CHRM2: variants seen among roughly 807,000 people sequenced by gnomAD.
CHRM2 encodes the protein muscarinic acetylcholine receptor M2.
In CHRM2, 8 loss-of-function variants were observed where a neutral mutation model predicts 25.0. That is an observed-to-expected ratio of 0.32 (90% confidence interval 0.19 to 0.58). The LOEUF is 0.58. Among genes scored for constraint, CHRM2 ranks in the 20% least tolerant of loss-of-function variants. CHRM2 has a pLI of 0.88. For missense variants in CHRM2, 440 were observed against 567.1 expected, an observed-to-expected ratio of 0.78 and a Z score of 2.28; for synonymous variants, 202 against 205.7, an observed-to-expected ratio of 0.98 and a Z score of 0.15.
At chr7:136,898,131 G>T (rs1221096536) in intron 2 of CHRM2, among the ~76,000 whole-genome samples, 1 of 152,054 alleles carries the variant, frequency 6.6e-6, no homozygotes, top group Non-Finnish European at 1.5e-5. Context: ...GAAAAACAGA[G>T]GGTTCGTTTA....
At chr7:136,923,634 A>G (rs1798577700) in intron 2 of CHRM2, among the ~76,000 whole-genome samples, 1 of 152,230 alleles carries the variant, frequency 6.6e-6, no homozygotes, top group African/African-American at 2.4e-5. Flanking sequence ...CTCAACTTGC[A>G]TGTGCATATA....
At chr7:136,974,812 G>A (rs565881184) in intron 2 of CHRM2, among the ~76,000 whole-genome samples, 6 of 152,202 alleles carry the variant, frequency 3.9e-5, no homozygotes, top group South Asian at 2.1e-4. Context: ...ATCACTGAGA[G>A]GTCAGAGTAC....
chr7:137,015,052 T>C lies in CHRM2; in HGVS notation c.187T>C (p.Phe63Leu). 1 of 1,613,474 alleles carries C rather than the reference T, an allele frequency of 6.2e-7. No homozygotes were observed. Among genetic ancestry groups the C allele is most frequent in the Non-Finnish European group, 8.5e-7 (1 of 1,179,610 alleles). Reference protein sequence around the residue: ...HLQTVNNYFLFSLACADLIIG... With the variant: ...HLQTVNNYFLLSLACADLIIG... ...CCAGACCGTCAACAATTACTTTTTA[T>C]TCAGCTTGGCCTGTGCTGACCTTAT... is the stretch of plus-strand genomic sequence containing the variant. The change falls in exon 4 of 4, where the codon TTC (phenylalanine) becomes CTC (leucine). Residue 63 changes from phenylalanine to leucine, a missense_variant. Transcript: ENST00000680005. This position sits in a 1 kb window ranked among gnomAD's most constrained non-coding sequence, Gnocchi z 5.1.
chr7:136,922,821 T>G (rs1204690848), intron 2 of CHRM2, among the ~76,000 whole-genome samples: 2 of 152,214 alleles, frequency 1.3e-5, no homozygotes, highest in Admixed American at 1.3e-4. Context: ...TTTTCTTCTT[T>G]CTTTGCATTT....
intron 2 of CHRM2, among the ~76,000 whole-genome samples, chr7:136,906,538 T>C (rs1478913040): frequency 6.6e-6 from 1 of 151,888 alleles, no homozygotes; most frequent in Non-Finnish European, 1.5e-5. Flanking sequence ...GAATTATTAC[T>C]TTGCTAACTT....
intron 2 of CHRM2, among the ~76,000 whole-genome samples, chr7:136,892,671 CTTTTT>C (rs5887814): frequency 1.5e-4 from 21 of 140,234 alleles, no homozygotes; most frequent in African/African-American, 4.2e-4. Context: ...ATTAAAAGTT[CTTTTT>C]TTTTTTTTTT....
At chr7:136,981,062 C>T (rs1415067025) in intron 2 of CHRM2, among the ~76,000 whole-genome samples, 3 of 152,112 alleles carry the variant, frequency 2.0e-5, no homozygotes, top group Non-Finnish European at 4.4e-5. Flanking sequence ...GCTGTGAATC[C>T]GTCTGTTCCT....
chr7:136,911,772 T>C (rs994373617), intron 2 of CHRM2, among the ~76,000 whole-genome samples: 1 of 152,002 alleles, frequency 6.6e-6, no homozygotes, highest in Non-Finnish European at 1.5e-5. Flanking sequence ...GAGTTTTTCT[T>C]ATTTCTTTTC....
intron 2 of CHRM2, among the ~76,000 whole-genome samples, chr7:136,985,834 G>A (rs988532149): frequency 2.6e-5 from 4 of 152,154 alleles, no homozygotes; most frequent in Non-Finnish European, 4.4e-5. Flanking sequence ...TGAGTAAACA[G>A]AATTTATAAT....
chr7:136,893,823 C>T (rs1796788068), intron 2 of CHRM2, among the ~76,000 whole-genome samples: 1 of 152,034 alleles, frequency 6.6e-6, no homozygotes, highest in African/African-American at 2.4e-5. Flanking sequence ...GCTCTATCCT[C>T]TCTGAAAAAA....
intron 2 of CHRM2, among the ~76,000 whole-genome samples, chr7:136,982,222 C>A (rs112850284): frequency 0.013 from 2,025 of 152,140 alleles, 41 homozygotes; most frequent in African/African-American, 0.046. Flanking sequence ...CTTTTTTGAT[C>A]TTTGTTGCGT....
intron 3 of CHRM2, among the ~76,000 whole-genome samples, chr7:137,011,322 G>T (rs755682587): frequency 1.1e-4 from 16 of 151,378 alleles, no homozygotes; most frequent in Non-Finnish European, 2.1e-4. Flanking sequence ...AGGATGCATG[G>T]CTCAGGCTAA....
intron 3 of CHRM2, among the ~76,000 whole-genome samples, chr7:136,999,802 A>C (rs1037057830): frequency 1.3e-5 from 2 of 152,188 alleles, no homozygotes; most frequent in African/African-American, 4.8e-5. Context: ...ACAGTCTGCA[A>C]CCAAGGTTCA....
At chr7:136,966,178 C>G (rs1270364262) in intron 2 of CHRM2, among the ~76,000 whole-genome samples, 3 of 57,110 alleles carry the variant, frequency 5.3e-5, no homozygotes, top group African/African-American at 1.3e-4. Context: ...TGTTTGTCTT[C>G]TGCAAATTTT....
chr7:136,941,792 C>T (rs1799788549), intron 2 of CHRM2, among the ~76,000 whole-genome samples: 1 of 152,018 alleles, frequency 6.6e-6, no homozygotes, highest in Non-Finnish European at 1.5e-5. Flanking sequence ...GAAGAGGTAT[C>T]CTTGTGGTAG....
At chr7:136,955,816 G>A (rs1024381046) in intron 2 of CHRM2, among the ~76,000 whole-genome samples, 4 of 152,170 alleles carry the variant, frequency 2.6e-5, no homozygotes, top group African/African-American at 7.2e-5. Flanking sequence ...ATAAAGGTCT[G>A]TTCTCTTGAT....
intron 2 of CHRM2, among the ~76,000 whole-genome samples, chr7:136,985,587 G>A (rs145911406): frequency 3.6e-4 from 55 of 150,790 alleles, no homozygotes; most frequent in African/African-American, 1.3e-3. Flanking sequence ...AAGCAATGGA[G>A]TTTGTATCAA....
chr7:136,909,772 T>C (rs1275494856), intron 2 of CHRM2, among the ~76,000 whole-genome samples: 1 of 151,958 alleles, frequency 6.6e-6, no homozygotes, highest in East Asian at 1.9e-4. Flanking sequence ...CATGTACATG[T>C]ATACTTATTT....
At chr7:137,011,274 T>C (rs1477809774) in intron 3 of CHRM2, among the ~76,000 whole-genome samples, 1 of 150,674 alleles carries the variant, frequency 6.6e-6, no homozygotes, top group Non-Finnish European at 1.5e-5. Flanking sequence ...TTATGGTTTA[T>C]GGTGGCTGAG....
Sources: allele counts gnomAD v4.1 joint callset (sites outside exome capture counted in the v4.1 genomes callset), GRCh38; gene constraint gnomAD v4.1.1; non-coding constraint Gnocchi (gnomAD v3.1); transcripts MANE v1.5; gene names NCBI Gene and HGNC (gene_info 2026-07-23, HGNC 2026-07-21).